The following KCNJ6 variants were observed in gnomAD, a reference collection of about 807,000 sequenced individuals.
The protein encoded by KCNJ6 is G protein-activated inward rectifier potassium channel 2.
Under a neutral mutation model 34.2 loss-of-function variants are expected in KCNJ6, and 9 were observed. The observed-to-expected ratio is 0.26, with a 90% CI of 0.16 to 0.46. KCNJ6 has a LOEUF of 0.46. Among genes scored for constraint, KCNJ6 ranks in the 20% least tolerant of loss-of-function variants. KCNJ6 has a pLI of 1.00. For missense variants in KCNJ6, 236 were observed against 531.3 expected (o/e 0.44, Z 5.46); for synonymous variants, 196 against 207.1 (o/e 0.95, Z 0.46).
chr21:37,723,752 G>C (rs976326030), intron 2 of KCNJ6, among the ~76,000 whole-genome samples: 3 of 152,076 alleles, frequency 2.0e-5, no homozygotes, highest in African/African-American at 4.8e-5. Context: ...GGAAACACTG[G>C]GGACTACTAG....
chr21:37,833,746 T>C (rs1185560004), intron 2 of KCNJ6, among the ~76,000 whole-genome samples: 2 of 152,198 alleles, frequency 1.3e-5, no homozygotes, highest in African/African-American at 2.4e-5. Flanking sequence ...GCCACTGATA[T>C]ACACACACCT....
At chr21:37,851,180 T>C (rs924644399) in intron 1 of KCNJ6, among the ~76,000 whole-genome samples, 2 of 152,172 alleles carry the variant, frequency 1.3e-5, no homozygotes, top group African/African-American at 4.8e-5. Context: ...ACTATCAGTA[T>C]CCAGGGAAGT....
chr21:37,764,413 C>T (rs1266124823), intron 2 of KCNJ6, among the ~76,000 whole-genome samples: 8 of 147,704 alleles, frequency 5.4e-5, no homozygotes, highest in South Asian at 2.1e-4. Context: ...CAGTTTTGCT[C>T]TGCTGCCCAG....
chr21:37,772,350 A>C (rs2055121621), intron 2 of KCNJ6, among the ~76,000 whole-genome samples: 1 of 151,822 alleles, frequency 6.6e-6, no homozygotes, highest in African/African-American at 2.4e-5. Flanking sequence ...GGGTTCATTG[A>C]TAGAAACACA....
rs560581215 is a variant in KCNJ6 at position 37,659,632 on chromosome 21, G to C, written c.947-34148C>G. ...CTGCCTCAGATCCCCCCGACCTGGG[G>C]TACTCAGGAGTCTGAGTGGGTACAG... On this transcript the variant is annotated intron_variant, in intron 3 of 3. Transcript: ENST00000609713. Among the ~76,000 whole-genome samples, 15 of 152,336 alleles carry C rather than the reference G, an allele frequency of 9.8e-5. No homozygotes were observed. In the East Asian group the frequency reaches 2.7e-3, roughly 27 times the overall value.
At chr21:37,791,933 G>A (rs2055218685) in intron 2 of KCNJ6, among the ~76,000 whole-genome samples, 1 of 152,172 alleles carries the variant, frequency 6.6e-6, no homozygotes, top group Non-Finnish European at 1.5e-5. Context: ...TGCTAGAACT[G>A]TTCCAATTCT....
intron 2 of KCNJ6, among the ~76,000 whole-genome samples, chr21:37,828,295 T>A (rs1047558528): frequency 1.3e-5 from 2 of 152,142 alleles, no homozygotes; most frequent in South Asian, 4.1e-4. Flanking sequence ...ACGCCTTGAC[T>A]TTTTCCTCTC....
intron 3 of KCNJ6, among the ~76,000 whole-genome samples, chr21:37,702,585 C>T (rs936915569): frequency 1.4e-4 from 22 of 152,220 alleles, no homozygotes; most frequent in African/African-American, 4.3e-4. Flanking sequence ...TGTTAGGCCA[C>T]GTATGCATTT....
chr21:37,718,059 C>T (rs2054803292), intron 2 of KCNJ6, among the ~76,000 whole-genome samples: 1 of 152,160 alleles, frequency 6.6e-6, no homozygotes, highest in Admixed American at 6.5e-5. Context: ...CAGTTCCTCC[C>T]AGGGCTGGAC....
At chr21:37,656,462 C>T (rs1463048461) in intron 3 of KCNJ6, among the ~76,000 whole-genome samples, 4 of 152,118 alleles carry the variant, frequency 2.6e-5, no homozygotes, top group East Asian at 1.9e-4. Context: ...GTGGGGTAGA[C>T]GATGAGCTTT....
At chr21:37,841,962 C>T (rs1468173741) in intron 1 of KCNJ6, among the ~76,000 whole-genome samples, 1 of 152,160 alleles carries the variant, frequency 6.6e-6, no homozygotes, top group Non-Finnish European at 1.5e-5. Context: ...AGTCTAAATA[C>T]TAAAAATTCT....
intron 3 of KCNJ6, among the ~76,000 whole-genome samples, chr21:37,656,063 G>T (rs2123393342): frequency 6.6e-6 from 1 of 152,230 alleles, no homozygotes; most frequent in Non-Finnish European, 1.5e-5. Flanking sequence ...TGCCAGACGT[G>T]GCATGCACAC....
At chr21:37,878,504 A>C (rs1373536900) in intron 1 of KCNJ6, among the ~76,000 whole-genome samples, 1 of 152,230 alleles carries the variant, frequency 6.6e-6, no homozygotes, top group Non-Finnish European at 1.5e-5. Flanking sequence ...CCCTTCCAGC[A>C]GGCTTGCAGG....
intron 2 of KCNJ6, among the ~76,000 whole-genome samples, chr21:37,838,507 C>A (rs1278756293): frequency 2.0e-5 from 3 of 152,174 alleles, no homozygotes; most frequent in African/African-American, 7.2e-5. Context: ...CATTCATGGA[C>A]AATGATGCTT....
At chr21:37,906,071 G>A (rs992051149) in intron 1 of KCNJ6, among the ~76,000 whole-genome samples, 1 of 151,786 alleles carries the variant, frequency 6.6e-6, no homozygotes, top group African/African-American at 2.4e-5. Flanking sequence ...GATAATAAAT[G>A]AGACTATTAA....
At chr21:37,821,742 C>G (rs2055374179) in intron 2 of KCNJ6, among the ~76,000 whole-genome samples, 1 of 152,170 alleles carries the variant, frequency 6.6e-6, no homozygotes, top group Non-Finnish European at 1.5e-5. Flanking sequence ...TATAGGAAGA[C>G]TTTAGTCTAC....
chr21:37,726,134 G>C (rs1447158242), intron 2 of KCNJ6, among the ~76,000 whole-genome samples: 1 of 152,136 alleles, frequency 6.6e-6, no homozygotes, highest in Non-Finnish European at 1.5e-5. Flanking sequence ...TTGAACTCCT[G>C]ACCTCAGGTG....
intron 1 of KCNJ6, among the ~76,000 whole-genome samples, chr21:37,904,106 A>G (rs544343151): frequency 4.6e-5 from 7 of 152,330 alleles, no homozygotes; most frequent in African/African-American, 1.7e-4. Flanking sequence ...TGAAACCACA[A>G]TGTGATCCTT....
At chr21:37,840,755 A>G in intron 1 of KCNJ6, 46 bp from the exon 2 acceptor site, 1 of 1,053,468 alleles carries the variant, frequency 9.5e-7, no homozygotes, top group Non-Finnish European at 1.4e-6. Flanking sequence ...CATGTCTTAG[A>G]TATGAATTGA....
Sources: allele counts gnomAD v4.1 joint callset (sites outside exome capture counted in the v4.1 genomes callset), GRCh38; gene constraint gnomAD v4.1.1; transcripts MANE v1.5; gene names NCBI Gene and HGNC (gene_info 2026-07-23, HGNC 2026-07-21).